Variants in OLA1 observed in about 807,000 individuals in gnomAD.
OLA1 encodes the protein Obg like ATPase 1.
In OLA1, 14 loss-of-function variants were observed where a neutral mutation model predicts 48.4. The observed-to-expected ratio is 0.29, with a 90% CI of 0.19 to 0.45. The LOEUF (loss-of-function observed/expected upper bound fraction) is 0.45. Ranked by LOEUF, OLA1 falls within the 20% of genes least tolerant of loss-of-function variation. OLA1 has a pLI of 1.00. For synonymous variants in OLA1, 127 were observed against 150.4 expected, an observed-to-expected ratio of 0.84 and a Z score of 1.14; for missense variants, 325 against 467.1, an observed-to-expected ratio of 0.70 and a Z score of 2.80.
intron 4 of OLA1, among the ~76,000 whole-genome samples, chr2:174,143,140 T>A (rs1001838777): frequency 1.3e-5 from 2 of 152,200 alleles, no homozygotes; most frequent in African/African-American, 4.8e-5. Context: ...TGTATCTAAA[T>A]GTGGATTATT....
At chr2:174,209,063 C>T (rs1265523795) in intron 4 of OLA1, among the ~76,000 whole-genome samples, 3 of 152,140 alleles carry the variant, frequency 2.0e-5, no homozygotes, top group African/African-American at 7.2e-5. Context: ...GAGACTGAGA[C>T]AGTAGGACTG....
At chr2:174,219,758 A>G (rs765398722) in intron 4 of OLA1, among the ~76,000 whole-genome samples, 1 of 152,168 alleles carries the variant, frequency 6.6e-6, no homozygotes, top group Non-Finnish European at 1.5e-5. Context: ...GTGCAACTCA[A>G]CTGAATACTG....
chr2:174,105,995 T>A (rs952550624), intron 7 of OLA1, among the ~76,000 whole-genome samples: 3 of 140,226 alleles, frequency 2.1e-5, no homozygotes, highest in African/African-American at 8.0e-5. Flanking sequence ...TTTTGTTGGC[T>A]GTCAACTGCT....
intron 4 of OLA1, 93 bp downstream of exon 4, chr2:174,222,940 T>A: frequency 7.6e-7 from 1 of 1,314,232 alleles, no homozygotes; most frequent in Non-Finnish European, 1.0e-6. Flanking sequence ...CAAAGCAATC[T>A]TCCATTAGTC....
chr2:174,247,624 T>C, intron 1 of OLA1: 4 of 1,549,650 alleles, frequency 2.6e-6, no homozygotes, highest in Non-Finnish European at 3.5e-6. Flanking sequence ...ATCTTATCTT[T>C]CCCATTCGCC....
At position 174,229,445 on chromosome 2, in the gene OLA1, A is replaced by C. The variant is rs143016912; in HGVS notation, c.108T>G (p.Ser36=). The C allele has an allele frequency of 2.5e-4, 402 of 1,606,012 alleles. No homozygotes were observed. In the African/African-American group the frequency reaches 4.6e-3, roughly 18 times the overall value. The stretch of plus-strand genomic sequence containing the variant: ...TATTGGTTAACACATTGAAGAAAGT[A>C]GATTTCCTAAAACAAATAAAAGCAA... ...GIVGLPNVGK[S]TFFNVLTNSQ... The change falls in exon 3 of 11, where the codon TCT becomes TCG. Residue 36 remains serine (S), a synonymous_variant. Coordinates refer to ENST00000284719, the MANE Select transcript of OLA1 (RefSeq NM_013341.5).
intron 4 of OLA1, among the ~76,000 whole-genome samples, chr2:174,144,233 C>T (rs977848399): frequency 3.3e-5 from 5 of 152,080 alleles, no homozygotes; most frequent in African/African-American, 1.2e-4. Flanking sequence ...TAATCTATTC[C>T]CCCTACTATA....
At position 174,133,734 on chromosome 2, in the gene OLA1, G is replaced by C. The variant is rs141877604; in HGVS notation, c.549+8091C>G. 1.4e-3 allele frequency among the ~76,000 whole-genome samples: 215 copies of C among 152,252 alleles called. 1 individual carries two copies. In the East Asian group the frequency reaches 0.014, roughly 10 times the overall value. On this transcript the variant is annotated intron_variant, in intron 5 of 10. Transcript: ENST00000284719. ...GTGTGTTTCTTGTAAGCAGCAGAGA[G>C]GTGGACTTTTCAAATCCAATCTGAC... is the stretch of plus-strand genomic sequence containing the variant.
At chr2:174,151,212 C>T (rs368997973) in intron 4 of OLA1, among the ~76,000 whole-genome samples, 13 of 152,228 alleles carry the variant, frequency 8.5e-5, no homozygotes, top group African/African-American at 3.1e-4. Context: ...AAAAGGGAAT[C>T]GCTGTTCTCT....
intron 3 of OLA1, among the ~76,000 whole-genome samples, chr2:174,226,742 T>C (rs1221684892): frequency 6.6e-6 from 1 of 152,072 alleles, no homozygotes; most frequent in Non-Finnish European, 1.5e-5. Flanking sequence ...CAGGTGATCT[T>C]CCCACCTCGG....
chr2:174,162,406 T>A (rs1344703000), intron 4 of OLA1, among the ~76,000 whole-genome samples: 1 of 152,202 alleles, frequency 6.6e-6, no homozygotes. Flanking sequence ...TGTGGTCCTA[T>A]GGAATAACAG....
chr2:174,147,824 G>GTTTA (rs558899835), intron 4 of OLA1, among the ~76,000 whole-genome samples: 242 of 142,470 alleles, frequency 1.7e-3, no homozygotes, highest in Middle Eastern at 3.6e-3. Flanking sequence ...TTGTTTGTTT[G>GTTTA]TTTATTTATT....
intron 5 of OLA1, among the ~76,000 whole-genome samples, chr2:174,137,502 ACTTCT>A (rs1686337400): frequency 6.6e-6 from 1 of 152,196 alleles, no homozygotes. Context: ...CCAGGCATTG[ACTTCT>A]CTTCTCAAGC....
intron 4 of OLA1, among the ~76,000 whole-genome samples, chr2:174,163,657 T>A (rs1574520159): frequency 7.0e-6 from 1 of 142,098 alleles, no homozygotes; most frequent in Non-Finnish European, 1.5e-5. Context: ...GCCATTGCAC[T>A]CCAGCCTGGG....
At chr2:174,154,794 T>C (rs922559954) in intron 4 of OLA1, among the ~76,000 whole-genome samples, 1 of 152,238 alleles carries the variant, frequency 6.6e-6, no homozygotes. Context: ...AAAGGGGACA[T>C]GTGAACCATT....
At position 174,075,302 on chromosome 2, in the gene OLA1, A is replaced by C; in HGVS notation, c.*124T>G. 3.3e-6 allele frequency: 2 copies of C among 611,780 alleles called. No homozygotes were observed. Among genetic ancestry groups the C allele is most frequent in the Non-Finnish European group, 5.8e-6 (2 of 343,228 alleles). 37.9% of individuals were successfully genotyped at this position (611,780 alleles called of 1,614,324 possible). ...TTTAATTTTAAAACAAATAAAAATA[A>C]TTTGTTTGTCAAAGATTCCCATCTC... On this transcript the variant is annotated 3_prime_UTR_variant, in exon 11 of 11. Transcript: ENST00000284719.
At chr2:174,213,202 A>G (rs1377721080) in intron 4 of OLA1, among the ~76,000 whole-genome samples, 1 of 152,222 alleles carries the variant, frequency 6.6e-6, no homozygotes, top group Non-Finnish European at 1.5e-5. Context: ...AGTCCCATAT[A>G]TGAGACCCTC....
intron 4 of OLA1, among the ~76,000 whole-genome samples, chr2:174,194,661 C>T (rs73035770): frequency 0.026 from 3,995 of 152,194 alleles, 167 homozygotes; most frequent in African/African-American, 0.09. Flanking sequence ...TTACTCAAAC[C>T]CCCATATTCT....
At chr2:174,097,210 T>G (rs1685278025) in intron 7 of OLA1, among the ~76,000 whole-genome samples, 2 of 152,226 alleles carry the variant, frequency 1.3e-5, no homozygotes, top group South Asian at 2.1e-4. Flanking sequence ...TTCTGAGAAG[T>G]CTTGCCTAAC....
Sources: allele counts gnomAD v4.1 joint callset (sites outside exome capture counted in the v4.1 genomes callset), GRCh38; gene constraint gnomAD v4.1.1; transcripts MANE v1.5; gene names NCBI Gene and HGNC (gene_info 2026-07-23, HGNC 2026-07-21).